CSNK1G3: variants seen among roughly 807,000 people sequenced by gnomAD.
CSNK1G3 encodes casein kinase I isoform gamma-3.
A neutral mutation model predicts 64.3 loss-of-function variants in CSNK1G3; 23 were observed. The ratio of observed to expected loss-of-function variants is 0.36; its 90% CI spans 0.26 to 0.51. CSNK1G3 has a LOEUF of 0.51. CSNK1G3 is among the 20% of genes least tolerant of loss of function. The probability of loss-of-function intolerance (pLI) is 0.96; values close to 1 mark genes in which losing one functional copy is unlikely to be tolerated. For synonymous variants in CSNK1G3, 158 were observed against 162.2 expected (o/e 0.97, Z 0.20); for missense variants, 357 against 510.5 (o/e 0.70, Z 2.90).
chr5:123,541,103 T>C (rs1781601064), intron 1 of CSNK1G3, among the ~76,000 whole-genome samples: 1 of 152,232 alleles, frequency 6.6e-6, no homozygotes, highest in African/African-American at 2.4e-5. Context: ...TATCTAGATC[T>C]ACCATATACA....
At chr5:123,557,423 T>G in intron 3 of CSNK1G3, 72 bp from the exon 4 acceptor site, 2 of 1,157,500 alleles carry the variant, frequency 1.7e-6, no homozygotes, top group Middle Eastern at 2.2e-4. Flanking sequence ...CACCAAAATT[T>G]ATAACATTTG....
chr5:123,578,692 A>G (rs555778231), intron 6 of CSNK1G3, among the ~76,000 whole-genome samples: 1 of 151,958 alleles, frequency 6.6e-6, no homozygotes, highest in Non-Finnish European at 1.5e-5. Flanking sequence ...GTAATAAGGT[A>G]AACAAATCTT....
In CSNK1G3 at chr5:123,613,659, A is replaced by G. The variant is rs188585562; in HGVS notation, c.1218-683A>G. ...AGTGCTGGGATTACAGGCATGAGCC[A>G]CTGTGCCCAGCCAAGATTTTTTTTC... On this transcript the variant is annotated intron_variant, in intron 12 of 12. Transcript: ENST00000345990. 2.6e-3 allele frequency among the ~76,000 whole-genome samples: 402 copies of G among 152,272 alleles called. 4 individuals carry two copies. Among genetic ancestry groups the G allele is most frequent in the Middle Eastern group, 0.01 (3 of 294 alleles).
At chr5:123,515,830 ATAATTTAT>A (rs1234268915) in intron 1 of CSNK1G3, among the ~76,000 whole-genome samples, 1 of 152,142 alleles carries the variant, frequency 6.6e-6, no homozygotes, top group Non-Finnish European at 1.5e-5. Flanking sequence ...AATACCTCCT[ATAATTTAT>A]TAAGTGCCTA....
intron 1 of CSNK1G3, among the ~76,000 whole-genome samples, chr5:123,539,414 C>T (rs911947168): frequency 5.4e-5 from 8 of 149,000 alleles, no homozygotes; most frequent in African/African-American, 2.0e-4. Flanking sequence ...TTAATGCACT[C>T]CAGCCTGGGT....
chr5:123,580,893 G>C (rs943850501), intron 6 of CSNK1G3, among the ~76,000 whole-genome samples: 1 of 151,886 alleles, frequency 6.6e-6, no homozygotes, highest in Non-Finnish European at 1.5e-5. Flanking sequence ...GAGTTGCTTT[G>C]TAAGTGTTAA....
chr5:123,565,396 A>G (rs1400877845), intron 4 of CSNK1G3, among the ~76,000 whole-genome samples: 1 of 152,210 alleles, frequency 6.6e-6, no homozygotes, highest in African/African-American at 2.4e-5. Context: ...TTTGTGCTAA[A>G]GGTTAAGAAT....
intron 1 of CSNK1G3, among the ~76,000 whole-genome samples, chr5:123,526,978 C>T (rs1043611105): frequency 2.8e-4 from 42 of 151,806 alleles, no homozygotes; most frequent in Non-Finnish European, 5.9e-5. Context: ...AACTGCCAAA[C>T]TATTTTTCAA....
chr5:123,543,867 A>C (rs1782087247), intron 1 of CSNK1G3, among the ~76,000 whole-genome samples: 1 of 152,244 alleles, frequency 6.6e-6, no homozygotes, highest in South Asian at 2.1e-4. Context: ...GCAAATAAGA[A>C]TATGGCAAAT....
At chr5:123,549,895 T>G (rs1408345520) in intron 2 of CSNK1G3, among the ~76,000 whole-genome samples, 1 of 152,248 alleles carries the variant, frequency 6.6e-6, no homozygotes, top group African/African-American at 2.4e-5. Context: ...TTTGACATAA[T>G]TAAGTATGCC....
intron 6 of CSNK1G3, among the ~76,000 whole-genome samples, chr5:123,578,923 A>G (rs1017270252): frequency 6.6e-6 from 1 of 152,000 alleles, no homozygotes; most frequent in African/African-American, 2.4e-5. Context: ...AGAAAGTACA[A>G]ACTTAATTAT....
chr5:123,544,707 C>A (rs141176398), intron 1 of CSNK1G3, among the ~76,000 whole-genome samples: 1 of 152,264 alleles, frequency 6.6e-6, no homozygotes, highest in East Asian at 1.9e-4. Flanking sequence ...ATATTTTGAG[C>A]TTTAATGTTT....
At position 123,604,841 on chromosome 5, in the gene CSNK1G3, G is replaced by T; in HGVS notation, c.1193+11G>T. On this transcript the variant is annotated intron_variant, in intron 11 of 12. Transcript: ENST00000345990. ...GATGGATGAAACCAAGTATGTGTTTGTTTTACTTGTTTTAGTAACTTTTTG... is the reference window on the plus strand; with the variant it reads ...GATGGATGAAACCAAGTATGTGTTTTTTTTACTTGTTTTAGTAACTTTTTG... The T allele has an allele frequency of 6.5e-7, 1 of 1,548,238 alleles. No homozygotes were observed. The highest frequency in any genetic ancestry group is 2.3e-5 in the East Asian group (1 of 43,592).
chr5:123,557,259 T>A (rs189987623), intron 3 of CSNK1G3, among the ~76,000 whole-genome samples: 38 of 152,264 alleles, frequency 2.5e-4, no homozygotes, highest in African/African-American at 9.1e-4. Flanking sequence ...AGAGTCAAAC[T>A]TAAGGGATTT....
intron 1 of CSNK1G3, among the ~76,000 whole-genome samples, chr5:123,519,337 G>A (rs1777702970): frequency 6.6e-6 from 1 of 152,238 alleles, no homozygotes; most frequent in Middle Eastern, 3.2e-3. Context: ...ACAGGCATGA[G>A]CCACTGTGCC....
intron 1 of CSNK1G3, among the ~76,000 whole-genome samples, chr5:123,533,017 C>T (rs1290100474): frequency 6.6e-6 from 1 of 151,778 alleles, no homozygotes; most frequent in East Asian, 1.9e-4. Context: ...TAATTCTCCA[C>T]TAAGGATGAA....
chr5:123,587,076 A>C (rs955150773), intron 6 of CSNK1G3, among the ~76,000 whole-genome samples: 1 of 152,214 alleles, frequency 6.6e-6, no homozygotes, highest in African/African-American at 2.4e-5. Context: ...ACAACGCATG[A>C]GAATTCAAGA....
At chr5:123,608,431 A>T in intron 12 of CSNK1G3, among the ~76,000 whole-genome samples, 1 of 152,162 alleles carries the variant, frequency 6.6e-6, no homozygotes, top group East Asian at 1.9e-4. Context: ...GTAGCTGAGA[A>T]TTTTAAGACA....
chr5:123,585,449 G>A (rs1006461131), intron 6 of CSNK1G3, among the ~76,000 whole-genome samples: 5 of 151,964 alleles, frequency 3.3e-5, no homozygotes, highest in Admixed American at 2.0e-4. Context: ...TAGAAAATAA[G>A]AGGAAAAAAC....
Sources: gnomAD v4.1 joint callset for allele counts (sites outside exome capture counted in the v4.1 genomes callset) on GRCh38, gnomAD v4.1.1 for gene constraint, MANE v1.5 for transcripts, NCBI Gene and HGNC (gene_info 2026-07-23, HGNC 2026-07-21) for gene names.